Variants in SUN2 observed in about 807,000 individuals in gnomAD.
The protein encoded by SUN2 is SUN domain-containing protein 2.
Under a neutral mutation model 100.0 loss-of-function variants are expected in SUN2, and 60 were observed. The ratio of observed to expected loss-of-function variants is 0.60; its 90% CI spans 0.49 to 0.74. The LOEUF (loss-of-function observed/expected upper bound fraction) is 0.74. Among genes scored for constraint, SUN2 ranks in the 30% least tolerant of loss-of-function variants. The pLI is 0.00. For missense variants in SUN2, 834 were observed against 954.6 expected, an observed-to-expected ratio of 0.87 and a Z score of 1.66; for synonymous variants, 367 against 403.3, an observed-to-expected ratio of 0.91 and a Z score of 1.08.
intron 5 of SUN2, 46 bp from the exon 6 acceptor site, chr22:38,749,905 G>A (rs779499141): frequency 2.6e-6 from 4 of 1,561,032 alleles, no homozygotes; most frequent in Non-Finnish European, 1.7e-6. Flanking sequence ...GGTGTTTGGG[G>A]GCACCGCTCC....
At chr22:38,745,603 C>G in intron 8 of SUN2, 81 bp downstream of exon 8, 1 of 1,562,656 alleles carries the variant, frequency 6.4e-7, no homozygotes. Flanking sequence ...CGGTGTGAGG[C>G]AGGCTGAGGG....
chr22:38,743,213 A>AGG (rs2092874863), intron 8 of SUN2: 1 of 152,256 alleles, frequency 6.6e-6, no homozygotes, highest in South Asian at 2.1e-4. Context: ...AATAAAGGCC[A>AGG]GGGAGCTACT....
chr22:38,742,558 G>A lies in SUN2; in HGVS notation c.814-3C>T. 3.1e-6 allele frequency: 5 copies of A among 1,607,184 alleles called. No individual in the cohort carries two copies. The highest frequency in any genetic ancestry group is 3.3e-4 in the Middle Eastern group (2 of 6,042). On this transcript the variant is annotated splice_region_variant and splice_polypyrimidine_tract_variant and intron_variant, in intron 8 of 17. Transcript: ENST00000689035. ...CGGGACATAACACGCTGCTCAGCCT[G>A]GAAGGGCAGAGAGAGAGCCACGGAG...
rs1247306068 is a variant in SUN2 at position 38,750,311 on chromosome 22, T to C, written c.434A>G (p.Asp145Gly). Residue 145 changes from aspartate to glycine, a missense_variant, in exon 5 of 18, where the codon GAT becomes GGT. Physicochemically the swap from Asp to Gly is moderately conservative, Grantham distance 94. Transcript: ENST00000689035. Reference sequence around the variant, plus strand: ...CGAGCTGGAACTCTGCTGGTCCACATCCGAGTAGCCTGCGGGGAACGAGGA... The same window carrying C: ...CGAGCTGGAACTCTGCTGGTCCACACCCGAGTAGCCTGCGGGGAACGAGGA... ...SSEDDYVGYSDVDQQSSSSRL... is the reference protein window; with the variant it reads ...SSEDDYVGYSGVDQQSSSSRL... The C allele has an allele frequency of 6.2e-7, 1 of 1,613,942 alleles. No individual in the cohort carries two copies. The highest frequency in any genetic ancestry group is 8.5e-7 in the Non-Finnish European group (1 of 1,180,030).
In SUN2 at chr22:38,750,361, C is replaced by T. The variant is rs138314799; in HGVS notation, c.425-41G>A. On this transcript the variant is annotated intron_variant, in intron 4 of 17. Coordinates refer to ENST00000689035, the MANE Select transcript of SUN2 (RefSeq NM_015374.3). The stretch of plus-strand genomic sequence containing the variant: ...ACACTGGCTCAGTCTCTGTCACTTT[C>T]GAGCCTCTTCCTTCACTGTCTTCTG... 1.3e-5 allele frequency: 21 copies of T among 1,610,076 alleles called. No individual in the cohort carries two copies. The Admixed American group carries it at 1.3e-4, about 10-fold the overall frequency.
chr22:38,741,849 A>G (rs1277680556), intron 9 of SUN2, among the ~76,000 whole-genome samples: 3 of 152,176 alleles, frequency 2.0e-5, no homozygotes, highest in Non-Finnish European at 2.9e-5. Flanking sequence ...AGGCTTAGAG[A>G]AGGTGAGGAG....
chr22:38,752,499 G>T lies in SUN2; in HGVS notation c.122+8C>A. The T allele has an allele frequency of 6.2e-7, 1 of 1,607,520 alleles. No homozygotes were observed. The highest frequency in any genetic ancestry group is 8.5e-7 in the Non-Finnish European group (1 of 1,174,998). ...GTCAGGGGCCGTGGCACTCCCTTGG[G>T]TCCCTACCTGAGAGGACTGTCTTTA... On this transcript the variant is annotated splice_region_variant and intron_variant, in intron 2 of 17. Transcript: ENST00000689035.
chr22:38,739,304 T>C lies in SUN2; in HGVS notation c.1663+38A>G. On this transcript the variant is annotated intron_variant, in intron 14 of 17. Transcript: ENST00000689035. The surrounding 1 kb of genome is among the most constrained non-coding windows in gnomAD (Gnocchi z 6.7). ...TGCCAGGGGACCGGCCATTGCGGGG[T>C]CCAGGACAAGGCAGAGCGAGGAAAG... is the stretch of plus-strand genomic sequence containing the variant. The C allele has an allele frequency of 6.2e-7, 1 of 1,606,122 alleles. No individual in the cohort carries two copies. Among genetic ancestry groups the C allele is most frequent in the Non-Finnish European group, 8.5e-7 (1 of 1,173,914 alleles).
chr22:38,755,972 G>GC lies in SUN2; in HGVS notation c.-248dup. On this transcript the variant is annotated 5_prime_UTR_variant, in exon 1 of 18. Transcript: ENST00000689035. This position sits in a 1 kb window ranked among gnomAD's most constrained non-coding sequence, Gnocchi z 5.7. ...TGCGGCCGGCGGAGGCCCGCGCTGC[G>GC]CGAGTGGGGCCGGGCGGCGCGCGTG... The GC allele has an allele frequency of 1.7e-5, 17 of 983,688 alleles. No individual in the cohort carries two copies. Among genetic ancestry groups the GC allele is most frequent in the Non-Finnish European group, 2.0e-5 (17 of 829,296 alleles). 60.9% of individuals were successfully genotyped at this position (983,688 alleles called of 1,614,324 possible).
chr22:38,751,072 C>T, intron 3 of SUN2, 37 bp from the exon 4 acceptor site: 4 of 1,609,220 alleles, frequency 2.5e-6, no homozygotes, highest in South Asian at 1.1e-5. Flanking sequence ...TCTGGGCCTC[C>T]AAGAGCTTCT....
chr22:38,755,294 C>T lies in SUN2; in HGVS notation c.-38+469G>A. 1.8e-6 allele frequency: 2 copies of T among 1,119,404 alleles called. 1 individual carries two copies. Among genetic ancestry groups the T allele is most frequent in the South Asian group, 4.2e-5 (2 of 48,112 alleles). The allele number at this position is 1,119,404 out of a possible 1,614,324, so 69.3% of individuals were successfully genotyped here. ...AACCTGCAGAAATTGTCACCAAAGG[C>T]GCGCCTCCTGGCTCTCTAAGTCACA... is the stretch of plus-strand genomic sequence containing the variant. On this transcript the variant is annotated intron_variant, in intron 1 of 17. Transcript: ENST00000689035. This position sits in a 1 kb window ranked among gnomAD's most constrained non-coding sequence, Gnocchi z 5.7.
rs548241946 is a variant in SUN2 at position 38,754,993 on chromosome 22, C to A, written c.-38+770G>T. The A allele has an allele frequency of 1.2e-3, 1,529 of 1,283,516 alleles. 12 individuals are homozygous for A. Among genetic ancestry groups the A allele is most frequent in the Non-Finnish European group, 1.2e-3 (1,146 of 984,346 alleles). The allele number at this position is 1,283,516 out of a possible 1,614,324, so 79.5% of individuals were successfully genotyped here. On this transcript the variant is annotated intron_variant, in intron 1 of 17. Transcript: ENST00000689035. ...GGAGCTGAAATCTACTACTGCGAATCATAATAGACACCACCCCCGCCCCAC... is the reference window on the plus strand; with the variant it reads ...GGAGCTGAAATCTACTACTGCGAATAATAATAGACACCACCCCCGCCCCAC...
At position 38,737,854 on chromosome 22, in the gene SUN2, G is replaced by A. The variant is rs1046663597; in HGVS notation, c.2040+319C>T. On this transcript the variant is annotated intron_variant, in intron 17 of 17. Coordinates refer to ENST00000689035, the MANE Select transcript of SUN2 (RefSeq NM_015374.3). This position sits in a 1 kb window ranked among gnomAD's most constrained non-coding sequence, Gnocchi z 4.1. ...TGGTAGAATGCCCGCGCCCTGGCAT[G>A]TGCTGGCGGCGGCTCCTCGAACGCC... The A allele has an allele frequency of 1.8e-6, 1 of 553,736 alleles. No individual in the cohort carries two copies. The highest frequency in any genetic ancestry group is 1.9e-5 in the African/African-American group (1 of 53,360). 34.3% of individuals were successfully genotyped at this position (553,736 alleles called of 1,614,324 possible).
rs1276444817 is a variant in SUN2 at position 38,755,325 on chromosome 22, C to T, written c.-38+438G>A. ...TCCTGGCTCTCTAAGTCACACCGCGCCCCCCATTGCTTTGTTTTGTTTTGT... is the reference window on the plus strand; with the variant it reads ...TCCTGGCTCTCTAAGTCACACCGCGTCCCCCATTGCTTTGTTTTGTTTTGT... On this transcript the variant is annotated intron_variant, in intron 1 of 17. Coordinates refer to ENST00000689035, the MANE Select transcript of SUN2 (RefSeq NM_015374.3). The surrounding 1 kb of genome is among the most constrained non-coding windows in gnomAD (Gnocchi z 5.7). The T allele has an allele frequency of 7.3e-6, 8 of 1,095,518 alleles. No individual in the cohort carries two copies. Among genetic ancestry groups the T allele is most frequent in the Non-Finnish European group, 7.8e-6 (7 of 893,918 alleles). 67.9% of individuals were successfully genotyped at this position (1,095,518 alleles called of 1,614,324 possible). A position where few individuals can be genotyped will look rare whatever the true frequency, so the allele number is the denominator to read the frequency against.
chr22:38,744,550 C>A (rs574702611), intron 8 of SUN2, among the ~76,000 whole-genome samples: 1 of 152,162 alleles, frequency 6.6e-6, no homozygotes, highest in Non-Finnish European at 1.5e-5. Context: ...TACTGCACTG[C>A]AGCCTGGACA....
chr22:38,743,335 C>T (rs2092875551), intron 8 of SUN2, among the ~76,000 whole-genome samples: 1 of 152,182 alleles, frequency 6.6e-6, no homozygotes, highest in Admixed American at 6.5e-5. Context: ...GCCTGTAATC[C>T]CAACACTTTG....
rs754075967 is a variant in SUN2 at position 38,735,219 on chromosome 22, A to G, written c.*1048T>C. 2.2e-6 allele frequency: 1 copy of G among 454,428 alleles called. No homozygotes were observed. Among genetic ancestry groups the G allele is most frequent in the South Asian group, 1.6e-5 (1 of 64,434 alleles). 28.1% of individuals were successfully genotyped at this position (454,428 alleles called of 1,614,324 possible). A position where few individuals can be genotyped will look rare whatever the true frequency, so the allele number is the denominator to read the frequency against. ...TCCCCCAGCCCCCACCAACTGCCCC[A>G]CAGAGAACAAACCAGAAGGGCGACT... On this transcript the variant is annotated 3_prime_UTR_variant, in exon 18 of 18. Coordinates refer to ENST00000689035, the MANE Select transcript of SUN2 (RefSeq NM_015374.3).
chr22:38,755,380 T>C lies in SUN2; in HGVS notation c.-38+383A>G. On this transcript the variant is annotated intron_variant, in intron 1 of 17. Transcript: ENST00000689035. This position sits in a 1 kb window ranked among gnomAD's most constrained non-coding sequence, Gnocchi z 5.7. ...GAACTGAACAAAACGGGCCTTCCTC[T>C]GAGGCCCTGAGTTCTGACAGGCAGA... is the stretch of plus-strand genomic sequence containing the variant. 2 of 1,013,640 alleles carry C rather than the reference T, an allele frequency of 2.0e-6. No homozygotes were observed. Among genetic ancestry groups the C allele is most frequent in the South Asian group, 7.3e-5 (2 of 27,230 alleles). The allele number at this position is 1,013,640 out of a possible 1,614,324, so 62.8% of individuals were successfully genotyped here.
At position 38,739,030 on chromosome 22, in the gene SUN2, GGA is replaced by G. The variant is rs543880950; in HGVS notation, c.1664-44_1664-43del. 171 of 1,561,128 alleles carry G rather than the reference GGA, an allele frequency of 1.1e-4. 1 individual carries two copies. In the African/African-American group the frequency reaches 2.2e-3, roughly 20 times the overall value. Reference sequence around the variant, plus strand: ...AGGCAGGGTGGGCTCCCGCACGGGAGGAGGGCCCCGCTCAGGCCATTGGCTGT... The same window carrying G: ...AGGCAGGGTGGGCTCCCGCACGGGAGGGGCCCCGCTCAGGCCATTGGCTGT... On this transcript the variant is annotated intron_variant, in intron 14 of 17. Transcript: ENST00000689035. The surrounding 1 kb of genome is among the most constrained non-coding windows in gnomAD (Gnocchi z 6.7).
Sources: gnomAD v4.1 joint callset for allele counts (sites outside exome capture counted in the v4.1 genomes callset) on GRCh38, gnomAD v4.1.1 for gene constraint, Gnocchi (gnomAD v3.1) non-coding constraint, MANE v1.5 for transcripts, NCBI Gene and HGNC (gene_info 2026-07-23, HGNC 2026-07-21) for gene names.